Variants in ATP2B2 observed in about 807,000 individuals in gnomAD.
ATP2B2 encodes the protein ATPase plasma membrane Ca2+ transporting 2, also known as plasma membrane calcium-transporting ATPase 2.
In ATP2B2, 15 loss-of-function variants were observed where a neutral mutation model predicts 120.0. That is an observed-to-expected ratio of 0.12 (90% CI 0.08 to 0.19). ATP2B2 has a LOEUF of 0.19. Ranked by LOEUF, ATP2B2 falls within the 10% of genes least tolerant of loss-of-function variation. ATP2B2 has a pLI of 1.00. For synonymous variants in ATP2B2, 694 were observed against 700.3 expected (o/e 0.99, Z 0.14); for missense variants, 1,045 against 1,719.8 (o/e 0.61, Z 6.94).
chr3:10,632,532 C>T (rs537948143), intron 1 of ATP2B2, among the ~76,000 whole-genome samples: 32 of 152,350 alleles, frequency 2.1e-4, no homozygotes, highest in African/African-American at 7.7e-4. Flanking sequence ...GTAGGTGCGT[C>T]ACAAATTTCT....
chr3:10,678,288 C>T (rs770730345), intron 1 of ATP2B2, among the ~76,000 whole-genome samples: 17 of 152,212 alleles, frequency 1.1e-4, no homozygotes, highest in Non-Finnish European at 1.8e-4. Flanking sequence ...ACTGAAACAT[C>T]GTGCCTTCAT....
At chr3:10,526,659 T>C (rs1393235007) in intron 3 of ATP2B2, among the ~76,000 whole-genome samples, 3 of 151,986 alleles carry the variant, frequency 2.0e-5, no homozygotes, top group Non-Finnish European at 4.4e-5. Flanking sequence ...CTGTCTGTGA[T>C]GAGTGTGCGG....
At chr3:10,469,812 A>T (rs1429918822) in intron 1 of ATP2B2, among the ~76,000 whole-genome samples, 1 of 152,136 alleles carries the variant, frequency 6.6e-6, no homozygotes, top group Admixed American at 6.5e-5. Flanking sequence ...CCAGGCAAAG[A>T]TCTGCCCTAA....
In ATP2B2 at chr3:10,328,121, TTA is replaced by T. The variant is rs573711645; in HGVS notation, c.*691_*692del. On this transcript the variant is annotated 3_prime_UTR_variant, in exon 23 of 23. Transcript: ENST00000360273. The stretch of plus-strand genomic sequence containing the variant: ...ACTTTATATATCCATGTATATATAT[TTA>T]TATATATATATATATATCTACCTAT... 1,665 of 145,896 alleles carry T rather than the reference TTA, an allele frequency of 0.011. 33 individuals are homozygous for T. The highest frequency in any genetic ancestry group is 0.039 in the African/African-American group (1,546 of 40,054). 9.0% of individuals were successfully genotyped at this position (145,896 alleles called of 1,614,324 possible).
chr3:10,378,501 C>T, intron 9 of ATP2B2, 91 bp from the exon 10 acceptor site: 2 of 1,541,496 alleles, frequency 1.3e-6, no homozygotes, highest in South Asian at 2.3e-5. Context: ...GGCACCCACC[C>T]CTGCCTGCCC....
intron 6 of ATP2B2, among the ~76,000 whole-genome samples, chr3:10,387,254 C>T (rs946258733): frequency 2.6e-5 from 4 of 152,254 alleles, no homozygotes; most frequent in Admixed American, 2.6e-4. Context: ...CCCCATTGTC[C>T]TGCTGGAGGG....
intron 22 of ATP2B2, among the ~76,000 whole-genome samples, chr3:10,331,554 C>T (rs1390361675): frequency 6.6e-6 from 1 of 152,030 alleles, no homozygotes; most frequent in African/African-American, 2.4e-5. Context: ...AAATGAACTG[C>T]TCTGGACAAG....
chr3:10,606,260 G>GT (rs1260355027), intron 2 of ATP2B2, among the ~76,000 whole-genome samples: 1 of 152,134 alleles, frequency 6.6e-6, no homozygotes, highest in African/African-American at 2.4e-5. Flanking sequence ...CTGAGCCTCA[G>GT]TTTTCTCATC....
rs1230540954 is a variant in ATP2B2, at chr3:10,328,770, A to G, written c.*44T>C. On this transcript the variant is annotated 3_prime_UTR_variant, in exon 23 of 23. Coordinates refer to ENST00000360273, the MANE Select transcript of ATP2B2 (RefSeq NM_001001331.4). ...GATGGGTGCCCGGAAAGCGGGTGGC[A>G]GCGGGGTCCATGAGGGCGGGCGGGC... The G allele has an allele frequency of 6.4e-7, 1 of 1,558,010 alleles. No individual in the cohort carries two copies. Among genetic ancestry groups the G allele is most frequent in the Non-Finnish European group, 8.7e-7 (1 of 1,147,124 alleles).
At chr3:10,510,659 A>G (rs1327169842) in intron 3 of ATP2B2, among the ~76,000 whole-genome samples, 1 of 152,222 alleles carries the variant, frequency 6.6e-6, no homozygotes, top group African/African-American at 2.4e-5. Flanking sequence ...GGTCAGAGCC[A>G]TGAGCTCACA....
At chr3:10,634,965 G>A (rs1024551321) in intron 1 of ATP2B2, among the ~76,000 whole-genome samples, 5 of 152,172 alleles carry the variant, frequency 3.3e-5, no homozygotes, top group African/African-American at 4.8e-5. Context: ...GGATCAGAGG[G>A]TTGGGGTGGG....
At chr3:10,435,200 T>C (rs9878843) in intron 2 of ATP2B2, among the ~76,000 whole-genome samples, 1 of 152,034 alleles carries the variant, frequency 6.6e-6, no homozygotes, top group Non-Finnish European at 1.5e-5. Flanking sequence ...TGACACAAGG[T>C]GGTCACCCCC....
rs566680963 is a variant in ATP2B2, at chr3:10,516,662, C to T, written c.-320+17377G>A. ...GGTGGCCCTGGCATCTGTCCTGCTT[C>T]TCTTCCTTCTCCTGGCGTGGCACTG... On this transcript the variant is annotated intron_variant, in intron 3 of 21. Transcript: ENST00000646379. Among the ~76,000 whole-genome samples, 6 of 152,364 alleles carry T rather than the reference C, an allele frequency of 3.9e-5. No individual in the cohort carries two copies. In the South Asian group the frequency reaches 1.2e-3, roughly 32 times the overall value.
chr3:10,537,560 C>G (rs1013342472), intron 2 of ATP2B2, among the ~76,000 whole-genome samples: 1 of 151,804 alleles, frequency 6.6e-6, no homozygotes, highest in Non-Finnish European at 1.5e-5. Context: ...CCTGAACTCA[C>G]TTATTACTTC....
upstream of ATP2B2, among the ~76,000 whole-genome samples, chr3:10,507,984 C>G (rs548952909): frequency 5.6e-5 from 8 of 142,732 alleles, no homozygotes; most frequent in South Asian, 1.3e-3. Context: ...CGTCCGCTCC[C>G]AAGTCTTGAG....
At chr3:10,424,221 G>A (rs2063078549) in intron 2 of ATP2B2, among the ~76,000 whole-genome samples, 1 of 152,112 alleles carries the variant, frequency 6.6e-6, no homozygotes, top group African/African-American at 2.4e-5. Flanking sequence ...TTCATTTTAC[G>A]GACAGACGGA....
At chr3:10,395,504 G>T (rs150234590) in intron 5 of ATP2B2, among the ~76,000 whole-genome samples, 84 of 152,386 alleles carry the variant, frequency 5.5e-4, no homozygotes, top group African/African-American at 2.0e-3. Context: ...ACATCTGCAT[G>T]ATGAGGAGGA....
At chr3:10,497,540 T>G (rs923797128) in intron 1 of ATP2B2, among the ~76,000 whole-genome samples, 1 of 152,256 alleles carries the variant, frequency 6.6e-6, no homozygotes, top group Non-Finnish European at 1.5e-5. Flanking sequence ...AGGGCTGTCC[T>G]AAGCACTTTA....
At chr3:10,454,270 C>T (rs1481739495) in intron 1 of ATP2B2, among the ~76,000 whole-genome samples, 1 of 152,198 alleles carries the variant, frequency 6.6e-6, no homozygotes, top group African/African-American at 2.4e-5. Flanking sequence ...CCTGAACTGG[C>T]CCGGGGTAAC....
Sources: allele counts gnomAD v4.1 joint callset (sites outside exome capture counted in the v4.1 genomes callset), GRCh38; gene constraint gnomAD v4.1.1; transcripts MANE v1.5; gene names NCBI Gene and HGNC (gene_info 2026-07-23, HGNC 2026-07-21).